Variants in PATJ observed in about 807,000 individuals in gnomAD.
The protein encoded by PATJ is inaD-like protein.
In PATJ, 190 loss-of-function variants were observed where a neutral mutation model predicts 224.9. That is an observed-to-expected ratio of 0.84 (90% CI 0.75 to 0.95). PATJ has a LOEUF of 0.95. Among genes scored for constraint, PATJ ranks in the 40% least tolerant of loss-of-function variants. The pLI is 0.00. For synonymous variants in PATJ, 769 were observed against 820.3 expected (o/e 0.94, Z 1.07); for missense variants, 2,121 against 2,270.3 (o/e 0.93, Z 1.34).
intron 28 of PATJ, among the ~76,000 whole-genome samples, chr1:61,999,294 G>A (rs34348666): frequency 0.18 from 27,787 of 152,038 alleles, 2,693 homozygotes; most frequent in Non-Finnish European, 0.21. Context: ...GGATATTGTA[G>A]TGACTGTAGT....
chr1:62,024,349 G>C (rs1057425893), intron 29 of PATJ, among the ~76,000 whole-genome samples: 2 of 152,016 alleles, frequency 1.3e-5, no homozygotes, highest in African/African-American at 4.8e-5. Context: ...TTGGTTGGCA[G>C]GGTTTTCTTT....
intron 28 of PATJ, among the ~76,000 whole-genome samples, chr1:61,993,592 A>G (rs1645188251): frequency 6.6e-6 from 1 of 152,090 alleles, no homozygotes; most frequent in African/African-American, 2.4e-5. Flanking sequence ...TTGTTACCCA[A>G]GGAATTCCAA....
chr1:61,831,187 C>CAA (rs545292546), intron 16 of PATJ, among the ~76,000 whole-genome samples: 31 of 65,242 alleles, frequency 4.8e-4, no homozygotes, highest in African/African-American at 6.9e-4. Context: ...GACTCTGTCT[C>CAA]AAAAAAAAAA....
At chr1:62,138,723 G>A (rs2148988813) in intron 41 of PATJ, among the ~76,000 whole-genome samples, 1 of 152,332 alleles carries the variant, frequency 6.6e-6, no homozygotes, top group East Asian at 1.9e-4. Flanking sequence ...GGACATGAGA[G>A]AAAAGTTTGC....
chr1:62,084,416 G>A, intron 32 of PATJ, 99 bp from the exon 33 acceptor site: 1 of 1,298,016 alleles, frequency 7.7e-7, no homozygotes, highest in Non-Finnish European at 1.1e-6. Context: ...AGAGTGCAGT[G>A]ATAAACACAT....
rs557448502 is a variant in PATJ, at chr1:61,754,906, A to G, written c.-35-7952A>G. On this transcript the variant is annotated intron_variant, in intron 1 of 43. Coordinates refer to ENST00000642238, the MANE Select transcript of PATJ (RefSeq NM_001350145.3). ...GAGACCCTGTTTCTGAAAAAATAGA[A>G]TAAAATAAGAGGTAGACGGCCAACC... Among the ~76,000 whole-genome samples, 12 of 152,214 alleles carry G rather than the reference A, an allele frequency of 7.9e-5. No homozygotes were observed. In the South Asian group the frequency reaches 8.3e-4, roughly 11 times the overall value.
chr1:61,850,806 T>TA (rs1372656782), intron 17 of PATJ, among the ~76,000 whole-genome samples: 2 of 152,232 alleles, frequency 1.3e-5, no homozygotes, highest in African/African-American at 4.8e-5. Context: ...TGTTGGTACA[T>TA]ACCTACCTCA....
chr1:62,010,508 T>C (rs1165383520), intron 28 of PATJ, among the ~76,000 whole-genome samples: 1 of 146,062 alleles, frequency 6.8e-6, no homozygotes, highest in Non-Finnish European at 1.5e-5. Context: ...CTTTTTTAGC[T>C]CCCACATATG....
intron 30 of PATJ, among the ~76,000 whole-genome samples, chr1:62,049,115 C>T (rs978199575): frequency 2.6e-5 from 4 of 151,972 alleles, no homozygotes; most frequent in South Asian, 4.1e-4. Flanking sequence ...AGGTGTTTCT[C>T]ATAGTCTCCC....
intron 35 of PATJ, among the ~76,000 whole-genome samples, chr1:62,116,162 G>A (rs1327507610): frequency 6.6e-6 from 1 of 152,164 alleles, no homozygotes; most frequent in Non-Finnish European, 1.5e-5. Context: ...AGGATGAGAT[G>A]TATAGTTCTC....
At chr1:61,790,128 C>G (rs1434533082) in intron 8 of PATJ, among the ~76,000 whole-genome samples, 1 of 147,368 alleles carries the variant, frequency 6.8e-6, no homozygotes, top group African/African-American at 2.5e-5. Flanking sequence ...TGCTTGAGGC[C>G]AGGAGTTTGA....
rs1289485757 is a variant in PATJ at position 62,086,776 on chromosome 1, G to A, written c.4377+2128G>A. The stretch of plus-strand genomic sequence containing the variant: ...TCATCAGACTTGCAACAGGGGTACT[G>A]TTTACTTGGAGCGCCTCGCTCAGCC... On this transcript the variant is annotated intron_variant, in intron 33 of 43. Transcript: ENST00000642238. The surrounding 1 kb of genome is among the most constrained non-coding windows in gnomAD (Gnocchi z 4.0). Among the ~76,000 whole-genome samples the A allele has an allele frequency of 3.3e-5, 5 of 152,198 alleles. No homozygotes were observed. Among genetic ancestry groups the A allele is most frequent in the African/African-American group, 1.2e-4 (5 of 41,462 alleles).
intron 21 of PATJ, among the ~76,000 whole-genome samples, chr1:61,876,410 T>C (rs1416054673): frequency 7.2e-5 from 11 of 152,242 alleles, no homozygotes; most frequent in Admixed American, 3.3e-4. Context: ...ACATTTCTTA[T>C]AGTTCTCTAT....
intron 29 of PATJ, among the ~76,000 whole-genome samples, chr1:62,025,381 G>C (rs2148437744): frequency 6.6e-6 from 1 of 152,306 alleles, no homozygotes; most frequent in South Asian, 2.1e-4. Flanking sequence ...ATTTGTCCCA[G>C]TTTGTCCCTG....
At chr1:61,953,966 G>T (rs1382967196) in intron 27 of PATJ, among the ~76,000 whole-genome samples, 1 of 152,186 alleles carries the variant, frequency 6.6e-6, no homozygotes, top group Non-Finnish European at 1.5e-5. Context: ...AGTGAGTCAA[G>T]TATATCTAGT....
intron 15 of PATJ, among the ~76,000 whole-genome samples, chr1:61,826,491 A>C (rs1658290721): frequency 6.6e-6 from 1 of 152,234 alleles, no homozygotes; most frequent in Non-Finnish European, 1.5e-5. Context: ...GATTCTGTTC[A>C]TGCCTCAGCT....
intron 17 of PATJ, chr1:61,846,323 T>G (rs1661948924): frequency 6.6e-6 from 1 of 152,194 alleles, no homozygotes; most frequent in Non-Finnish European, 1.5e-5. Flanking sequence ...GTATTTGTGC[T>G]TAGGTTAAGT....
intron 20 of PATJ, among the ~76,000 whole-genome samples, chr1:61,866,945 G>A (rs1055606812): frequency 2.6e-5 from 4 of 152,188 alleles, no homozygotes; most frequent in Admixed American, 1.3e-4. Flanking sequence ...ACTTCCTGAT[G>A]TTACTGTGGC....
At chr1:61,783,423 C>CTTTTTTTT in intron 7 of PATJ, among the ~76,000 whole-genome samples, 1 of 119,234 alleles carries the variant, frequency 8.4e-6, no homozygotes, top group Non-Finnish European at 1.8e-5. Flanking sequence ...CTTTTCTTTT[C>CTTTTTTTT]TTTTTTTTTT....
Sources: allele counts gnomAD v4.1 joint callset (sites outside exome capture counted in the v4.1 genomes callset), GRCh38; gene constraint gnomAD v4.1.1; non-coding constraint Gnocchi (gnomAD v3.1); transcripts MANE v1.5; gene names NCBI Gene and HGNC (gene_info 2026-07-23, HGNC 2026-07-21).